Variants in ANK1 observed in about 807,000 individuals in gnomAD.
The protein encoded by ANK1 is ankyrin 1, also known as ankyrin-1.
In ANK1, 51 loss-of-function variants were observed where a neutral mutation model predicts 210.4. That is an observed-to-expected ratio of 0.24 (90% CI 0.19 to 0.31). The LOEUF is 0.31. ANK1 is among the 10% of genes least tolerant of loss of function. The pLI is 1.00. For synonymous variants in ANK1, 967 were observed against 1,025.9 expected (o/e 0.94, Z 1.10); for missense variants, 2,051 against 2,504.4 (o/e 0.82, Z 3.86).
At chr8:41,716,903 C>T (rs1563541479) in intron 13 of ANK1, 50 bp downstream of exon 13, 21 of 1,574,668 alleles carry the variant, frequency 1.3e-5, no homozygotes, top group Non-Finnish European at 1.8e-5. Context: ...CTGCACAGTG[C>T]TGGAACTGCT....
chr8:41,687,210 T>C (rs1563420945), intron 35 of ANK1, among the ~76,000 whole-genome samples: 3 of 152,174 alleles, frequency 2.0e-5, no homozygotes, highest in African/African-American at 7.2e-5. Context: ...GGGGAAGCCA[T>C]CTCAGTGTCA....
At chr8:41,876,442 A>G (rs1167163179) in intron 1 of ANK1, among the ~76,000 whole-genome samples, 2 of 152,234 alleles carry the variant, frequency 1.3e-5, no homozygotes, top group Non-Finnish European at 2.9e-5. Context: ...GGCGCATTCA[A>G]GGTAACCTTG....
At chr8:41,891,841 G>A (rs1472985654) in intron 1 of ANK1, among the ~76,000 whole-genome samples, 1 of 152,200 alleles carries the variant, frequency 6.6e-6, no homozygotes, top group Non-Finnish European at 1.5e-5. Context: ...ATGTTTTAAA[G>A]TCTTGCAACA....
intron 1 of ANK1, among the ~76,000 whole-genome samples, chr8:41,856,104 C>A (rs1812134799): frequency 1.3e-5 from 2 of 152,098 alleles, no homozygotes; most frequent in African/African-American, 2.4e-5. Flanking sequence ...AAGTGGAAGC[C>A]CCCAACCTTG....
intron 1 of ANK1, among the ~76,000 whole-genome samples, chr8:41,822,864 G>A (rs887026969): frequency 2.6e-5 from 4 of 152,192 alleles, no homozygotes; most frequent in Non-Finnish European, 5.9e-5. Context: ...GCACGAGAGC[G>A]GGGGCGGTGG....
intron 1 of ANK1, among the ~76,000 whole-genome samples, chr8:41,859,501 C>G (rs1436750113): frequency 1.3e-5 from 2 of 152,210 alleles, no homozygotes; most frequent in Non-Finnish European, 2.9e-5. Context: ...CACACACAAC[C>G]ACGCCTGACT....
Position 41,715,727 on chromosome 8 carries a change from A to G in ANK1, c.1527T>C (p.Ile509=). Residue 509 remains isoleucine, a synonymous_variant, in exon 14 of 43, where the codon ATT becomes ATC. Coordinates refer to ENST00000289734, the MANE Select transcript of ANK1 (RefSeq NM_000037.4). Reference sequence around the variant, plus strand: ...TTTCCACATGGCCCTCACGGGCTGCAATGTGCAGGGGGGTGTGCCCGGCGG... The same window carrying G: ...TTTCCACATGGCCCTCACGGGCTGCGATGTGCAGGGGGGTGTGCCCGGCGG... The part of the protein sequence containing the change: ...ATTAGHTPLH[I]AAREGHVETV... 1 of 1,614,214 alleles carries G rather than the reference A, an allele frequency of 6.2e-7. No individual in the cohort carries two copies. The highest frequency in any genetic ancestry group is 8.5e-7 in the Non-Finnish European group (1 of 1,180,040).
At chr8:41,663,770 A>G (rs1042285116) in intron 39 of ANK1, 28 bp from the exon 40 acceptor site, 1 of 1,573,496 alleles carries the variant, frequency 6.4e-7, no homozygotes, top group South Asian at 1.1e-5. Flanking sequence ...GAGAAAATGC[A>G]AGATTGGTGA....
intron 1 of ANK1, among the ~76,000 whole-genome samples, chr8:41,821,163 G>A (rs535673806): frequency 2.6e-5 from 4 of 152,050 alleles, no homozygotes; most frequent in Non-Finnish European, 5.9e-5. Flanking sequence ...GTCTCCTAAG[G>A]TCATATTTTA....
At chr8:41,865,472 A>G (rs1010734389) in intron 1 of ANK1, among the ~76,000 whole-genome samples, 2 of 151,812 alleles carry the variant, frequency 1.3e-5, no homozygotes, top group Admixed American at 6.6e-5. Flanking sequence ...CCTCACACCC[A>G]CTCTGTGCTC....
chr8:41,679,002 T>G (rs1585997157), intron 37 of ANK1, among the ~76,000 whole-genome samples: 1 of 152,162 alleles, frequency 6.6e-6, no homozygotes, highest in Non-Finnish European at 1.5e-5. Flanking sequence ...GCCAGGCTGG[T>G]CTCAAACTCC....
rs775078667 is a variant in ANK1, at chr8:41,688,528, A to C, written c.4166T>G (p.Leu1389Arg). The C allele has an allele frequency of 6.2e-7, 1 of 1,614,180 alleles. No homozygotes were observed. Among genetic ancestry groups the C allele is most frequent in the Non-Finnish European group, 8.5e-7 (1 of 1,180,006 alleles). ...PTPLALRYSI[L>R]SESTPGSLSG... The stretch of plus-strand genomic sequence containing the variant: ...GGCCGTACCTGGTGTGGACTCACTG[A>C]GAATGCTGTATCGCAGGGCCAGGGG... Residue 1389 changes from leucine (L) to arginine (R), a missense_variant, in exon 34 of 43, where the codon CTC becomes CGC. Physicochemically the swap from Leu to Arg is moderately radical, Grantham distance 102 (BLOSUM62 -2). Around this residue, in one of 6 missense-constraint regions of ANK1, gnomAD observed 1,413 missense variants for 1,707.4 expected, o/e 0.83. Transcript: ENST00000289734.
chr8:41,695,953 C>CT (rs1161996669), intron 26 of ANK1, among the ~76,000 whole-genome samples: 1 of 152,198 alleles, frequency 6.6e-6, no homozygotes, highest in Non-Finnish European at 1.5e-5. Flanking sequence ...CCAGGGAGGC[C>CT]GTCTTACTGG....
At chr8:41,662,347 T>G (rs1162463907) in intron 40 of ANK1, among the ~76,000 whole-genome samples, 8 of 152,068 alleles carry the variant, frequency 5.3e-5, no homozygotes, top group Non-Finnish European at 1.5e-5. Context: ...GGGAGGTAGC[T>G]TTTGTCCTAG....
At chr8:41,761,004 T>C (rs1477621765) in intron 1 of ANK1, among the ~76,000 whole-genome samples, 1 of 151,724 alleles carries the variant, frequency 6.6e-6, no homozygotes, top group African/African-American at 2.4e-5. Flanking sequence ...GAAAAAAAAG[T>C]CTTTGTAGAT....
chr8:41,803,092 A>AAG (rs1850378856), intron 1 of ANK1, among the ~76,000 whole-genome samples: 1 of 81,788 alleles, frequency 1.2e-5, no homozygotes, highest in South Asian at 4.9e-4. Context: ...AGGGAAGGAA[A>AAG]GGAAAGGAAA....
chr8:41,700,117 C>T (rs1367235961), intron 22 of ANK1, among the ~76,000 whole-genome samples: 1 of 152,240 alleles, frequency 6.6e-6, no homozygotes, highest in East Asian at 1.9e-4. Context: ...CTTGAGGGGT[C>T]ATTCATTGCC....
rs1828728601 is a variant in ANK1 at position 41,719,633 on chromosome 8, C to T, written c.1107+28G>A. 17 of 1,614,048 alleles carry T rather than the reference C, an allele frequency of 1.1e-5. 1 individual carries two copies. Among genetic ancestry groups the T allele is most frequent in the African/African-American group, 9.3e-5 (7 of 75,058 alleles). On this transcript the variant is annotated intron_variant, in intron 10 of 42. Transcript: ENST00000289734. The stretch of plus-strand genomic sequence containing the variant: ...GCCCCCAGCCTGCCCTGCCACTCTG[C>T]ACCTTCTCCAGCAGCACCCCCACTC...
intron 1 of ANK1, among the ~76,000 whole-genome samples, chr8:41,884,238 C>T (rs1374607139): frequency 6.6e-6 from 1 of 152,098 alleles, no homozygotes; most frequent in South Asian, 2.1e-4. Context: ...ATCCCAGCTA[C>T]TTGGGAGGAT....
Sources: allele counts gnomAD v4.1 joint callset (sites outside exome capture counted in the v4.1 genomes callset), GRCh38; gene constraint gnomAD v4.1.1; regional missense constraint gnomAD v4.1.1; transcripts MANE v1.5; gene names NCBI Gene and HGNC (gene_info 2026-07-23, HGNC 2026-07-21).